Variants in CSMD3 observed in about 807,000 individuals in gnomAD.
CSMD3 encodes the protein CUB and Sushi multiple domains 3.
A neutral mutation model predicts 435.2 loss-of-function variants in CSMD3; 177 were observed. That is an observed-to-expected ratio of 0.41 (90% confidence interval 0.36 to 0.46). The LOEUF is 0.46. CSMD3 is among the 20% of genes least tolerant of loss of function. The pLI is 0.34. For synonymous variants in CSMD3, 1,656 were observed against 1,520.5 expected (o/e 1.09, Z -2.07); for missense variants, 4,265 against 4,504.6 (o/e 0.95, Z 1.52).
intron 5 of CSMD3, among the ~76,000 whole-genome samples, chr8:113,032,303 A>G (rs1482328022): frequency 6.6e-6 from 1 of 151,602 alleles, no homozygotes; most frequent in East Asian, 1.9e-4. Flanking sequence ...CTTGTTGAAT[A>G]GTTTTGACCA....
At chr8:113,192,511 C>T (rs2092600358) in intron 3 of CSMD3, among the ~76,000 whole-genome samples, 1 of 151,474 alleles carries the variant, frequency 6.6e-6, no homozygotes, top group African/African-American at 2.4e-5. Context: ...TTCAAAAATG[C>T]CTATTATTTG....
intron 51 of CSMD3, among the ~76,000 whole-genome samples, chr8:112,305,447 T>C (rs1821333397): frequency 6.6e-6 from 1 of 152,074 alleles, no homozygotes; most frequent in African/African-American, 2.4e-5. Context: ...ATTCAAGAGT[T>C]TATTCACATC....
At chr8:113,397,240 T>A (rs967931593) in intron 1 of CSMD3, among the ~76,000 whole-genome samples, 10 of 152,158 alleles carry the variant, frequency 6.6e-5, no homozygotes, top group Non-Finnish European at 1.0e-4. Context: ...CATCTTTAAA[T>A]TTGTTTTTTT....
At chr8:112,534,615 G>C (rs145859534) in intron 27 of CSMD3, among the ~76,000 whole-genome samples, 12,288 of 152,082 alleles carry the variant, frequency 0.081, 840 homozygotes, top group African/African-American at 0.19. Context: ...GGAGGAATTG[G>C]TACCATTCCT....
intron 16 of CSMD3, among the ~76,000 whole-genome samples, chr8:112,667,767 A>G (rs1586928209): frequency 6.6e-6 from 1 of 152,202 alleles, no homozygotes; most frequent in East Asian, 1.9e-4. Context: ...AAAGAAAAAA[A>G]GTCTAAATGT....
At chr8:113,344,984 CAT>C (rs2094142539) in intron 1 of CSMD3, among the ~76,000 whole-genome samples, 1 of 152,044 alleles carries the variant, frequency 6.6e-6, no homozygotes, top group African/African-American at 2.4e-5. Context: ...TTTCATAAGT[CAT>C]GTGTCTTCTT....
chr8:112,555,995 A>T (rs1027671407), intron 25 of CSMD3, among the ~76,000 whole-genome samples: 1 of 152,012 alleles, frequency 6.6e-6, no homozygotes, highest in African/African-American at 2.4e-5. Context: ...AAGGCTGAAG[A>T]ATCACTGCAT....
intron 6 of CSMD3, among the ~76,000 whole-genome samples, chr8:113,003,795 T>C (rs1467168061): frequency 6.6e-6 from 1 of 152,070 alleles, no homozygotes; most frequent in Non-Finnish European, 1.5e-5. Context: ...ATTGCTACTA[T>C]CTTCAACTTA....
chr8:112,341,994 A>G (rs1267932868), intron 41 of CSMD3, among the ~76,000 whole-genome samples: 2 of 152,166 alleles, frequency 1.3e-5, no homozygotes, highest in Non-Finnish European at 2.9e-5. Flanking sequence ...ATACGCTTTA[A>G]ATTACATAAA....
At chr8:112,803,549 T>A (rs1272874707) in intron 12 of CSMD3, among the ~76,000 whole-genome samples, 2 of 152,314 alleles carry the variant, frequency 1.3e-5, no homozygotes, top group East Asian at 3.9e-4. Flanking sequence ...GGAACTTGTA[T>A]AAAAGACTGT....
At chr8:113,103,140 C>T (rs957615101) in intron 4 of CSMD3, among the ~76,000 whole-genome samples, 33 of 152,118 alleles carry the variant, frequency 2.2e-4, no homozygotes, top group African/African-American at 7.2e-4. Context: ...ATAATCAGAA[C>T]ATCCATCTTA....
In CSMD3 at chr8:112,322,047, A is replaced by G. The variant is rs150360296; in HGVS notation, c.7166-2066T>C. Among the ~76,000 whole-genome samples the G allele has an allele frequency of 7.5e-4, 114 of 152,266 alleles. 1 individual carries two copies. The highest frequency in any genetic ancestry group is 3.4e-3 in the Middle Eastern group (1 of 294). On this transcript the variant is annotated intron_variant, in intron 45 of 70. Transcript: ENST00000297405. Reference sequence around the variant, plus strand: ...TAAACAGAGAAATCTTTCTGAGACTATGCTTTAGAGAAGGCTTTGTCTGAT... The same window carrying G: ...TAAACAGAGAAATCTTTCTGAGACTGTGCTTTAGAGAAGGCTTTGTCTGAT...
At chr8:113,153,130 A>AGAAAGAGAGAGAAAGAAGGAAGGAAG (rs2091859152) in intron 4 of CSMD3, among the ~76,000 whole-genome samples, 1 of 82,736 alleles carries the variant, frequency 1.2e-5, no homozygotes, top group African/African-American at 6.3e-5. Context: ...AGAAAGAGAA[A>AGAAAGAGAGAGAAAGAAGGAAGGAAG]GAAGGAAGGA....
intron 6 of CSMD3, among the ~76,000 whole-genome samples, chr8:112,978,525 C>A (rs1381792244): frequency 1.3e-5 from 2 of 151,936 alleles, no homozygotes; most frequent in African/African-American, 4.8e-5. Flanking sequence ...AGACCCAGGA[C>A]TTTCTAGCAG....
At chr8:113,311,120 A>G (rs2093865076) in intron 2 of CSMD3, 1 of 151,984 alleles carries the variant, frequency 6.6e-6, no homozygotes, top group African/African-American at 2.4e-5. Context: ...GTATAAGTTT[A>G]TTATTCGGAA....
At chr8:113,294,207 T>C (rs1165306001) in intron 2 of CSMD3, among the ~76,000 whole-genome samples, 1 of 152,068 alleles carries the variant, frequency 6.6e-6, no homozygotes, top group Non-Finnish European at 1.5e-5. Context: ...AGGATGCTTT[T>C]AAAATTAAAT....
At chr8:113,129,447 A>G (rs1262928661) in intron 4 of CSMD3, among the ~76,000 whole-genome samples, 1 of 152,186 alleles carries the variant, frequency 6.6e-6, no homozygotes, top group Non-Finnish European at 1.5e-5. Context: ...CCTACGGAAC[A>G]GTATTAGTAT....
intron 16 of CSMD3, among the ~76,000 whole-genome samples, chr8:112,679,796 T>C (rs371389419): frequency 6.6e-6 from 1 of 152,184 alleles, no homozygotes; most frequent in Non-Finnish European, 1.5e-5. Context: ...TCTCTGTATG[T>C]GTCGACTGAG....
At chr8:112,542,880 T>C (rs575628387) in intron 27 of CSMD3, among the ~76,000 whole-genome samples, 3 of 151,636 alleles carry the variant, frequency 2.0e-5, no homozygotes, top group Non-Finnish European at 4.4e-5. Context: ...TATAGAACAA[T>C]GGAAGAGAAT....
Sources: gnomAD v4.1 joint callset for allele counts (sites outside exome capture counted in the v4.1 genomes callset) on GRCh38, gnomAD v4.1.1 for gene constraint, MANE v1.5 for transcripts, NCBI Gene and HGNC (gene_info 2026-07-23, HGNC 2026-07-21) for gene names.